Variants in SH3RF3 observed in about 807,000 individuals in gnomAD.
The protein encoded by SH3RF3 is SH3 domain containing ring finger 3, also known as E3 ubiquitin-protein ligase SH3RF3.
A neutral mutation model predicts 66.3 loss-of-function variants in SH3RF3; 29 were observed. The observed-to-expected ratio is 0.44, with a 90% CI of 0.33 to 0.60. The LOEUF (loss-of-function observed/expected upper bound fraction) is 0.60, where lower values mean the gene tolerates loss of function less well. SH3RF3 is among the 20% of genes least tolerant of loss of function. The pLI is 0.04. For missense variants in SH3RF3, 1,194 were observed against 1,190.9 expected, an observed-to-expected ratio of 1.00 and a Z score of -0.04; for synonymous variants, 583 against 532.0, an observed-to-expected ratio of 1.10 and a Z score of -1.32.
intron 8 of SH3RF3, among the ~76,000 whole-genome samples, chr2:109,455,244 C>CATG (rs1678008032): frequency 6.6e-6 from 1 of 152,136 alleles, no homozygotes; most frequent in Non-Finnish European, 1.5e-5. Flanking sequence ...GGCAGGAGAC[C>CATG]ATGAGGCTGG....
chr2:109,203,279 T>A (rs1678728143), intron 1 of SH3RF3, among the ~76,000 whole-genome samples: 1 of 152,138 alleles, frequency 6.6e-6, no homozygotes, highest in Non-Finnish European at 1.5e-5. Context: ...TGGCTGTAAT[T>A]AAGAGGCTAC....
intron 1 of SH3RF3, among the ~76,000 whole-genome samples, chr2:109,190,434 A>T (rs1035184657): frequency 1.3e-4 from 20 of 152,198 alleles, no homozygotes; most frequent in Non-Finnish European, 2.4e-4. Flanking sequence ...TCGGCCACCC[A>T]AAGTGCTGGG....
intron 1 of SH3RF3, among the ~76,000 whole-genome samples, chr2:109,208,761 G>C (rs1678898058): frequency 6.6e-6 from 1 of 152,204 alleles, no homozygotes; most frequent in South Asian, 2.1e-4. Context: ...GAGGAAGTGA[G>C]GTCAAGGGAA....
At chr2:109,438,399 G>A (rs990105244) in intron 7 of SH3RF3, among the ~76,000 whole-genome samples, 1 of 152,182 alleles carries the variant, frequency 6.6e-6, no homozygotes, top group Non-Finnish European at 1.5e-5. Flanking sequence ...TGGACTTCAG[G>A]TGCCCAGTGT....
intron 8 of SH3RF3, among the ~76,000 whole-genome samples, chr2:109,457,176 A>C (rs942518661): frequency 6.6e-6 from 1 of 152,252 alleles, no homozygotes; most frequent in Admixed American, 6.5e-5. Flanking sequence ...TGACGAATGC[A>C]TAACATAGTA....
chr2:109,238,246 A>G (rs556834847), intron 1 of SH3RF3, among the ~76,000 whole-genome samples: 5 of 152,280 alleles, frequency 3.3e-5, no homozygotes, highest in East Asian at 1.9e-4. Context: ...GACTAATTCA[A>G]TAGAAAAGTG....
intron 1 of SH3RF3, among the ~76,000 whole-genome samples, chr2:109,323,091 C>T (rs957660636): frequency 6.6e-5 from 10 of 152,194 alleles, no homozygotes; most frequent in African/African-American, 4.8e-5. Context: ...TGTGGGGCTT[C>T]TGCTTTTGCC....
At chr2:109,465,901 C>T (rs1678328137) in intron 8 of SH3RF3, among the ~76,000 whole-genome samples, 1 of 152,090 alleles carries the variant, frequency 6.6e-6, no homozygotes, top group South Asian at 2.1e-4. Context: ...AATCTGCTTC[C>T]ACGACCATTC....
At chr2:109,190,015 A>G (rs1367935527) in intron 1 of SH3RF3, among the ~76,000 whole-genome samples, 1 of 152,270 alleles carries the variant, frequency 6.6e-6, no homozygotes, top group Non-Finnish European at 1.5e-5. Context: ...GAAGAAGTCT[A>G]CAGAACTAAA....
intron 1 of SH3RF3, among the ~76,000 whole-genome samples, chr2:109,170,641 T>C (rs913176136): frequency 6.6e-6 from 1 of 152,172 alleles, no homozygotes; most frequent in Non-Finnish European, 1.5e-5. Context: ...CGAGCCACTG[T>C]GCCTGGTCAA....
At chr2:109,264,768 C>T (rs1438075084) in intron 1 of SH3RF3, among the ~76,000 whole-genome samples, 1 of 152,224 alleles carries the variant, frequency 6.6e-6, no homozygotes, top group Admixed American at 6.5e-5. Context: ...GCATCTCATT[C>T]TTCTGAGGGC....
At chr2:109,130,410 G>A (rs1365877419) in intron 1 of SH3RF3, among the ~76,000 whole-genome samples, 2 of 152,190 alleles carry the variant, frequency 1.3e-5, no homozygotes, top group African/African-American at 4.8e-5. Flanking sequence ...ACTTAGCATC[G>A]CCCTTGCGTC....
Position 109,394,227 on chromosome 2 carries a change from G to T in SH3RF3, c.946-4363G>T, listed in dbSNP as rs1165434566. On this transcript the variant is annotated intron_variant, in intron 3 of 9. Coordinates refer to ENST00000309415, the MANE Select transcript of SH3RF3 (RefSeq NM_001099289.3). ...AGAAAATCACATCTAACCTAAGAAA[G>T]CTGGGGAGACAAAGTGTTGGGAGGG... is the stretch of plus-strand genomic sequence containing the variant. 2.0e-5 allele frequency among the ~76,000 whole-genome samples: 3 copies of T among 152,346 alleles called. No individual in the cohort carries two copies. The East Asian group carries it at 5.8e-4, about 29-fold the overall frequency.
chr2:109,390,271 A>C (rs530414508), intron 3 of SH3RF3, among the ~76,000 whole-genome samples: 2 of 152,286 alleles, frequency 1.3e-5, no homozygotes, highest in East Asian at 1.9e-4. Context: ...TTTTAGGTTC[A>C]TCTTCAGGTA....
At chr2:109,135,127 G>C (rs1002662875) in intron 1 of SH3RF3, among the ~76,000 whole-genome samples, 1 of 152,238 alleles carries the variant, frequency 6.6e-6, no homozygotes, top group Non-Finnish European at 1.5e-5. Context: ...ACACCCAGTA[G>C]TGGAGACAGC....
chr2:109,448,095 AGT>A (rs942407848), intron 7 of SH3RF3, among the ~76,000 whole-genome samples: 3 of 152,148 alleles, frequency 2.0e-5, no homozygotes, highest in Non-Finnish European at 2.9e-5. Flanking sequence ...TGACATACCC[AGT>A]GTGGAAACCA....
At chr2:109,187,455 CTGT>C (rs1678222808) in intron 1 of SH3RF3, among the ~76,000 whole-genome samples, 1 of 152,036 alleles carries the variant, frequency 6.6e-6, no homozygotes, top group Non-Finnish European at 1.5e-5. Flanking sequence ...GAAGACGTTG[CTGT>C]TGTTGACAAT....
intron 7 of SH3RF3, among the ~76,000 whole-genome samples, chr2:109,441,079 C>G (rs1677549404): frequency 6.9e-6 from 1 of 145,096 alleles, no homozygotes. Flanking sequence ...CAAACTATTT[C>G]TGATTAATTT....
chr2:109,163,027 GTC>G (rs199804034), intron 1 of SH3RF3, among the ~76,000 whole-genome samples: 1 of 151,266 alleles, frequency 6.6e-6, no homozygotes, highest in Non-Finnish European at 1.5e-5. Flanking sequence ...GTCCCCCAAA[GTC>G]TGTATAGTGA....
Sources: allele counts gnomAD v4.1 joint callset (sites outside exome capture counted in the v4.1 genomes callset), GRCh38; gene constraint gnomAD v4.1.1; transcripts MANE v1.5; gene names NCBI Gene and HGNC (gene_info 2026-07-23, HGNC 2026-07-21).